NFU1: variants seen among roughly 807,000 people sequenced by gnomAD.
The protein encoded by NFU1 is NFU1 iron-sulfur cluster scaffold, also known as NFU1 iron-sulfur cluster scaffold homolog, mitochondrial.
In NFU1, 30 loss-of-function variants were observed where a neutral mutation model predicts 32.2. That is an observed-to-expected ratio of 0.93 (90% CI 0.70 to 1.26). NFU1 has a LOEUF of 1.26. Among genes scored for constraint, NFU1 ranks in the 50% most tolerant of loss-of-function variants. NFU1 has a pLI of 0.00. For missense variants in NFU1, 306 were observed against 306.6 expected (o/e 1.00, Z 0.02); for synonymous variants, 112 against 104.6 (o/e 1.07, Z -0.43).
rs1373497650 is a variant in NFU1 at position 69,424,219 on chromosome 2, A to ATCTC, written c.167-506_167-503dup. Among the ~76,000 whole-genome samples the ATCTC allele has an allele frequency of 1.1e-3, 137 of 126,578 alleles. 1 individual carries two copies. The highest frequency in any genetic ancestry group is 3.8e-3 in the African/African-American group (131 of 34,672). The allele number at this position is 126,578 out of a possible 152,430, so 83.0% of individuals were successfully genotyped here. ...AAAAAATATATATATATATATATATATCTCAATATATTTAAGTGCATATAG... is the reference window on the plus strand; with the variant it reads ...AAAAAATATATATATATATATATATATCTCTCTCAATATATTTAAGTGCATATAG... On this transcript the variant is annotated intron_variant, in intron 2 of 7. Coordinates refer to ENST00000410022, the MANE Select transcript of NFU1 (RefSeq NM_001002755.4).
At chr2:69,399,245 T>C in intron 7 of NFU1, 3 of 343,958 alleles carry the variant, frequency 8.7e-6, no homozygotes, top group Non-Finnish European at 1.7e-5. Flanking sequence ...TTACCTGAAA[T>C]TCTGTGGGTT....
upstream of NFU1, among the ~76,000 whole-genome samples, chr2:69,439,389 G>C (rs1008325655): frequency 6.6e-6 from 1 of 152,188 alleles, no homozygotes; most frequent in Non-Finnish European, 1.5e-5. Flanking sequence ...TCCGGAGTTT[G>C]TTTCTTCTGG....
At chr2:69,411,581 G>C (rs1464864059) in intron 5 of NFU1, among the ~76,000 whole-genome samples, 2 of 152,070 alleles carry the variant, frequency 1.3e-5, no homozygotes, top group Admixed American at 1.3e-4. Context: ...TATATATACA[G>C]AGAGAATGAG....
At chr2:69,424,198 A>AAAAAAT (rs1558840147) in intron 2 of NFU1, among the ~76,000 whole-genome samples, 8 of 74,538 alleles carry the variant, frequency 1.1e-4, no homozygotes, top group Non-Finnish European at 1.9e-4. Context: ...AAAAAAAAAA[A>AAAAAAT]ATATATATAT....
rs953047706 is a variant in NFU1, at chr2:69,414,307, C to A, written c.484+878G>T. Among the ~76,000 whole-genome samples the A allele has an allele frequency of 1.4e-4, 22 of 152,016 alleles. No individual in the cohort carries two copies. In the South Asian group the frequency reaches 3.3e-3, roughly 23 times the overall value. On this transcript the variant is annotated intron_variant, in intron 5 of 7. Coordinates refer to ENST00000410022, the MANE Select transcript of NFU1 (RefSeq NM_001002755.4). ...AAAATATTACACTTAGTAAAAAAGA[C>A]AATTTGCAGTATAATACAAGATATT...
At chr2:69,396,370 C>G (rs1172535448) in intron 7 of NFU1, 80 bp from the exon 8 acceptor site, 1 of 985,224 alleles carries the variant, frequency 1.0e-6, no homozygotes, top group African/African-American at 1.6e-5. Flanking sequence ...AATATTACTT[C>G]TTTACCTGAT....
chr2:69,419,763 G>A (rs1186176134), intron 3 of NFU1, among the ~76,000 whole-genome samples, 159 bp from the exon 4 acceptor site: 1 of 152,042 alleles, frequency 6.6e-6, no homozygotes, highest in Non-Finnish European at 1.5e-5. Flanking sequence ...CCTACTCTAC[G>A]ATTTAGCAAT....
chr2:69,408,250 T>G (rs1672764094), intron 5 of NFU1, among the ~76,000 whole-genome samples: 1 of 152,060 alleles, frequency 6.6e-6, no homozygotes, highest in Non-Finnish European at 1.5e-5. Flanking sequence ...CTCTTTTCTG[T>G]GTAATATATC....
chr2:69,434,138 CTTT>C (rs141478065), intron 1 of NFU1, among the ~76,000 whole-genome samples: 1 of 67,182 alleles, frequency 1.5e-5, no homozygotes, highest in Non-Finnish European at 3.0e-5. Context: ...CTTCACTTCA[CTTT>C]TTTTTTTCTT....
At chr2:69,422,052 TAATAA>T (rs1242619490) in intron 3 of NFU1, among the ~76,000 whole-genome samples, 1 of 152,092 alleles carries the variant, frequency 6.6e-6, no homozygotes. Context: ...TAACAACTGA[TAATAA>T]AATAGAACAA....
chr2:69,419,624 A>T lies in NFU1; in HGVS notation c.303-20T>A. ...AACTGCCTGCAAAAAAAGAAAAAAT[A>T]AGAGATATTAAAATGCTTGATTATG... On this transcript the variant is annotated intron_variant, in intron 3 of 7. Transcript: ENST00000410022. 7.1e-7 allele frequency: 1 copy of T among 1,417,928 alleles called. No homozygotes were observed. Among genetic ancestry groups the T allele is most frequent in the Non-Finnish European group, 9.9e-7 (1 of 1,009,002 alleles). The allele number at this position is 1,417,928 out of a possible 1,614,324, so 87.8% of individuals were successfully genotyped here. A position where few individuals can be genotyped will look rare whatever the true frequency, so the allele number is the denominator to read the frequency against.
At chr2:69,409,026 G>C (rs1183130849) in intron 5 of NFU1, among the ~76,000 whole-genome samples, 4 of 151,748 alleles carry the variant, frequency 2.6e-5, no homozygotes, top group Non-Finnish European at 5.9e-5. Flanking sequence ...ATTTTTAGTA[G>C]AGACGGGGTT....
intron 3 of NFU1, among the ~76,000 whole-genome samples, chr2:69,422,149 T>TG (rs1673267638): frequency 2.6e-5 from 4 of 151,582 alleles, no homozygotes; most frequent in Admixed American, 2.0e-4. Flanking sequence ...GCGAGGGTGG[T>TG]GGGGGGTTCA....
chr2:69,396,546 G>A (rs143891318), intron 7 of NFU1, among the ~76,000 whole-genome samples: 1,796 of 152,182 alleles, frequency 0.012, 33 homozygotes, highest in African/African-American at 0.041. Flanking sequence ...CCAGCTACTC[G>A]GGAGGCTGAG....
intron 2 of NFU1, chr2:69,429,804 AG>A: frequency 6.5e-6 from 1 of 154,628 alleles, no homozygotes; most frequent in East Asian, 1.9e-4. Flanking sequence ...TGAGCCAGGC[AG>A]GTTACTTGAG....
chr2:69,422,755 T>C (rs944573918), intron 3 of NFU1, among the ~76,000 whole-genome samples: 1 of 152,160 alleles, frequency 6.6e-6, no homozygotes, highest in African/African-American at 2.4e-5. Flanking sequence ...TCGCCTAGGC[T>C]GGAATGCAAT....
Position 69,419,478 on chromosome 2 carries a change from T to C in NFU1, c.369+60A>G, listed in dbSNP as rs1452712019. ...AATGGAAATGTTGGAGAGAGAGGCA[T>C]TGGACTCAGAAAAAAATGAAGAGTA... On this transcript the variant is annotated intron_variant, in intron 4 of 7. Transcript: ENST00000410022. 3.7e-5 allele frequency: 32 copies of C among 857,686 alleles called. 1 individual carries two copies. The highest frequency in any genetic ancestry group is 3.4e-4 in the South Asian group (22 of 65,628). The allele number at this position is 857,686 out of a possible 1,614,324, so 53.1% of individuals were successfully genotyped here.
chr2:69,419,034 T>A (rs960944533), intron 4 of NFU1, among the ~76,000 whole-genome samples: 1 of 151,130 alleles, frequency 6.6e-6, no homozygotes, highest in African/African-American at 2.5e-5. Flanking sequence ...GCATATTTTT[T>A]ATAGGCGTGG....
At chr2:69,406,572 CTTTTA>C (rs1170832236) in intron 5 of NFU1, among the ~76,000 whole-genome samples, 1 of 152,032 alleles carries the variant, frequency 6.6e-6, no homozygotes, top group African/African-American at 2.4e-5. Flanking sequence ...CTGAAATGTT[CTTTTA>C]TTTTTCTTCT....
Sources: allele counts gnomAD v4.1 joint callset (sites outside exome capture counted in the v4.1 genomes callset), GRCh38; gene constraint gnomAD v4.1.1; transcripts MANE v1.5; gene names NCBI Gene and HGNC (gene_info 2026-07-23, HGNC 2026-07-21).